The following IL1RAPL1 variants were observed in gnomAD, a reference collection of about 807,000 sequenced individuals.
IL1RAPL1 encodes the protein interleukin-1 receptor accessory protein-like 1.
Under a neutral mutation model 48.4 loss-of-function variants are expected in IL1RAPL1, and 3 were observed. That is an observed-to-expected ratio of 0.06 (90% CI 0.03 to 0.16). IL1RAPL1 has a LOEUF of 0.16. Among genes scored for constraint, IL1RAPL1 ranks in the 10% least tolerant of loss-of-function variants. The pLI is 1.00. For synonymous variants in IL1RAPL1, 185 were observed against 187.7 expected, an observed-to-expected ratio of 0.99 and a Z score of 0.12; for missense variants, 349 against 530.6, an observed-to-expected ratio of 0.66 and a Z score of 3.36.
At chrX:28,913,302 G>A (rs1923405696) in intron 2 of IL1RAPL1, among the ~76,000 whole-genome samples, 2 of 111,862 alleles carry the variant, frequency 1.8e-5, no homozygotes, top group African/African-American at 6.5e-5. Context: ...GTAAATTCTT[G>A]ATCTGCACCT....
At chrX:28,934,647 T>C (rs1391162084) in intron 2 of IL1RAPL1, among the ~76,000 whole-genome samples, 1 of 111,999 alleles carries the variant, frequency 8.9e-6, no homozygotes, top group Non-Finnish European at 1.9e-5. Flanking sequence ...ATTTGTTGTT[T>C]CGTGACTGAT....
chrX:29,873,805 T>G (rs754668245), intron 6 of IL1RAPL1, among the ~76,000 whole-genome samples: 1 of 111,702 alleles, frequency 9.0e-6, no homozygotes, highest in East Asian at 2.8e-4. Flanking sequence ...CAACAATGGA[T>G]CCATTCTTTG....
intron 1 of IL1RAPL1, among the ~76,000 whole-genome samples, chrX:28,594,151 G>A (rs1933930507): frequency 9.0e-6 from 1 of 111,155 alleles, no homozygotes; most frequent in Admixed American, 9.7e-5. Context: ...TATGTCTAGA[G>A]GCAAAATACT....
chrX:29,098,076 C>T (rs1031913192), intron 2 of IL1RAPL1, among the ~76,000 whole-genome samples: 1 of 112,182 alleles, frequency 8.9e-6, no homozygotes, highest in Non-Finnish European at 1.9e-5. Flanking sequence ...GTTAGAAAGG[C>T]GTAATGAAAT....
intron 1 of IL1RAPL1, among the ~76,000 whole-genome samples, chrX:28,690,159 C>T (rs1353082987): frequency 9.0e-6 from 1 of 111,608 alleles, no homozygotes; most frequent in Non-Finnish European, 1.9e-5. Context: ...TTCTTTCAGC[C>T]TTGGGCAGTA....
intron 6 of IL1RAPL1, among the ~76,000 whole-genome samples, chrX:29,815,936 A>C (rs1930481997): frequency 9.0e-6 from 1 of 111,510 alleles, no homozygotes; most frequent in Admixed American, 9.6e-5. Context: ...TGCATTCCAG[A>C]AATAAAGCCT....
chrX:29,305,397 GA>G (rs990008265), intron 3 of IL1RAPL1, among the ~76,000 whole-genome samples: 2 of 112,120 alleles, frequency 1.8e-5, no homozygotes, highest in African/African-American at 6.5e-5. Context: ...ATAGGGTTAT[GA>G]TGGGTTATCC....
At chrX:28,617,540 T>C (rs776583627) in intron 1 of IL1RAPL1, among the ~76,000 whole-genome samples, 9 of 112,025 alleles carry the variant, frequency 8.0e-5, no homozygotes, top group African/African-American at 2.9e-4. Context: ...ACCTCAAATA[T>C]AGCCTTTAGC....
At chrX:29,764,022 A>C (rs1308303289) in intron 6 of IL1RAPL1, among the ~76,000 whole-genome samples, 2 of 111,744 alleles carry the variant, frequency 1.8e-5, no homozygotes, top group Non-Finnish European at 3.8e-5. Context: ...TCCTGCAATT[A>C]ATATCATCAA....
intron 2 of IL1RAPL1, among the ~76,000 whole-genome samples, chrX:29,041,163 G>C (rs989546733): frequency 1.8e-5 from 2 of 111,415 alleles, no homozygotes; most frequent in Non-Finnish European, 3.8e-5. Flanking sequence ...CTGCACCCTT[G>C]AGTATTAAGG....
chrX:28,825,252 C>T (rs1936980876), intron 2 of IL1RAPL1, among the ~76,000 whole-genome samples: 1 of 111,363 alleles, frequency 9.0e-6, no homozygotes. Flanking sequence ...ATGAAGTTGT[C>T]ATGAAAAGGC....
At chrX:29,944,057 A>G (rs1449227542) in intron 9 of IL1RAPL1, among the ~76,000 whole-genome samples, 2 of 112,123 alleles carry the variant, frequency 1.8e-5, no homozygotes, top group Non-Finnish European at 3.8e-5. Flanking sequence ...CTCTGAGGCC[A>G]TCTTAAGCAC....
chrX:29,291,723 C>T (rs905299268), intron 3 of IL1RAPL1, among the ~76,000 whole-genome samples: 40 of 112,136 alleles, frequency 3.6e-4, no homozygotes, highest in Non-Finnish European at 5.8e-4. Flanking sequence ...AATTAATGGC[C>T]CAGGCCTCTT....
chrX:29,686,867 A>G (rs571542760), intron 6 of IL1RAPL1, among the ~76,000 whole-genome samples: 7 of 110,429 alleles, frequency 6.3e-5, no homozygotes, highest in African/African-American at 1.6e-4. Flanking sequence ...CTAAAGTTTA[A>G]TTTATTACAT....
Position 29,339,116 on chromosome X carries a change from A to ACACG in IL1RAPL1, c.362+55902_362+55903insGCAC, listed in dbSNP as rs1309905472. The stretch of plus-strand genomic sequence containing the variant: ...CACACACACACACACACACACACGC[A>ACACG]CACACTCAAATATCACATGTTACTA... On this transcript the variant is annotated intron_variant, in intron 3 of 10. Transcript: ENST00000378993. 9.1e-5 allele frequency among the ~76,000 whole-genome samples: 10 copies of ACACG among 109,629 alleles called. No homozygotes were observed. In the East Asian group the frequency reaches 2.3e-3, roughly 25 times the overall value.
chrX:29,909,131 T>C (rs773644864), intron 6 of IL1RAPL1, among the ~76,000 whole-genome samples: 1 of 111,703 alleles, frequency 9.0e-6, no homozygotes, highest in African/African-American at 3.2e-5. Flanking sequence ...TCCCAGCACT[T>C]TGGGAGGCCA....
chrX:28,883,920 TTTTG>T (rs938069449), intron 2 of IL1RAPL1, among the ~76,000 whole-genome samples: 5 of 112,112 alleles, frequency 4.5e-5, no homozygotes, highest in Middle Eastern at 4.7e-3. Flanking sequence ...TTCTTTGTTT[TTTTG>T]TTTGTTTGTT....
At chrX:28,918,317 C>T (rs1325028926) in intron 2 of IL1RAPL1, among the ~76,000 whole-genome samples, 1 of 112,129 alleles carries the variant, frequency 8.9e-6, no homozygotes, top group Admixed American at 9.5e-5. Context: ...GGCATTTACT[C>T]AGAAAGAACA....
chrX:28,789,482 C>A, intron 2 of IL1RAPL1, 57 bp downstream of exon 2: 1 of 824,133 alleles, frequency 1.2e-6, no homozygotes, highest in Non-Finnish European at 1.8e-6. Flanking sequence ...GATAGTGCTA[C>A]ATCTACACAT....
Sources: gnomAD v4.1 joint callset for allele counts (sites outside exome capture counted in the v4.1 genomes callset) on GRCh38, gnomAD v4.1.1 for gene constraint, MANE v1.5 for transcripts, NCBI Gene and HGNC (gene_info 2026-07-23, HGNC 2026-07-21) for gene names.